Variants in AKAP6 observed in about 807,000 individuals in gnomAD.
AKAP6 encodes the protein A-kinase anchor protein 6.
Under a neutral mutation model 188.5 loss-of-function variants are expected in AKAP6, and 58 were observed. The observed-to-expected ratio is 0.31, with a 90% confidence interval of 0.25 to 0.38. The LOEUF (loss-of-function observed/expected upper bound fraction) is 0.38. AKAP6 is among the 10% of genes least tolerant of loss of function. AKAP6 has a pLI of 1.00. For synonymous variants in AKAP6, 989 were observed against 998.6 expected (o/e 0.99, Z 0.18); for missense variants, 2,710 against 2,740.0 (o/e 0.99, Z 0.24).
chr14:32,557,903 T>C (rs1883761721), intron 4 of AKAP6, among the ~76,000 whole-genome samples: 1 of 152,204 alleles, frequency 6.6e-6, no homozygotes, highest in Non-Finnish European at 1.5e-5. Flanking sequence ...ATCTTCTACT[T>C]TCTTCCTCTA....
At chr14:32,553,625 T>A (rs748989104) in intron 4 of AKAP6, among the ~76,000 whole-genome samples, 20 of 152,196 alleles carry the variant, frequency 1.3e-4, no homozygotes, top group South Asian at 8.3e-4. Context: ...ACTATTGTTT[T>A]TAGTACTTAC....
chr14:32,332,426 T>A (rs929617382), intron 1 of AKAP6, among the ~76,000 whole-genome samples: 4 of 152,104 alleles, frequency 2.6e-5, no homozygotes, highest in African/African-American at 4.8e-5. Flanking sequence ...TGATCAGATG[T>A]GAATATTTAC....
intron 12 of AKAP6, among the ~76,000 whole-genome samples, chr14:32,801,324 T>A (rs971797303): frequency 9.2e-5 from 14 of 152,194 alleles, no homozygotes; most frequent in African/African-American, 3.4e-4. Context: ...TTAGAGGTTA[T>A]CCTAGAGCTT....
intron 2 of AKAP6, among the ~76,000 whole-genome samples, chr14:32,531,215 A>T (rs1455130796): frequency 6.6e-6 from 1 of 152,240 alleles, no homozygotes; most frequent in Non-Finnish European, 1.5e-5. Flanking sequence ...ATCTGTGGAA[A>T]AAAATCTTAT....
chr14:32,745,497 GTCTCTC>G (rs368703359), intron 11 of AKAP6, among the ~76,000 whole-genome samples: 9 of 54,920 alleles, frequency 1.6e-4, no homozygotes, highest in African/African-American at 5.9e-4. Flanking sequence ...CTCTCTCTCT[GTCTCTC>G]TCTCTCTCTC....
chr14:32,546,469 G>T lies in AKAP6; in HGVS notation c.1816G>T (p.Gly606Cys). Residue 606 changes from glycine to cysteine, a missense_variant, in exon 4 of 14, where the codon GGT (glycine) becomes TGT (cysteine). By Grantham distance (159) the Gly-to-Cys change is radical (BLOSUM62 -3). This residue lies in a region of AKAP6 where 2,473 missense variants were observed against 2,426.1 expected (regional missense o/e 1.02). Transcript: ENST00000280979. ...PLLSKHKSKK[G>C]QASSPSHVTR... The stretch of plus-strand genomic sequence containing the variant: ...TCTTTCAAAACACAAAAGCAAAAAA[G>T]GTCAAGCCTCCTCTCCAAGTCACGT... 1 of 1,614,110 alleles carries T rather than the reference G, an allele frequency of 6.2e-7. No individual in the cohort carries two copies. Among genetic ancestry groups the T allele is most frequent in the Non-Finnish European group, 8.5e-7 (1 of 1,180,014 alleles).
chr14:32,340,821 A>C (rs1407295825), intron 1 of AKAP6, among the ~76,000 whole-genome samples: 1 of 152,198 alleles, frequency 6.6e-6, no homozygotes, highest in Admixed American at 6.5e-5. Flanking sequence ...GGTACCTTCT[A>C]GCTGTGTGCT....
chr14:32,708,395 G>A (rs1433447271), intron 9 of AKAP6, among the ~76,000 whole-genome samples: 1 of 142,284 alleles, frequency 7.0e-6, no homozygotes, highest in Non-Finnish European at 1.6e-5. Flanking sequence ...GTGCACATGT[G>A]AGAGAAAGAG....
intron 9 of AKAP6, among the ~76,000 whole-genome samples, chr14:32,707,845 G>A (rs969102951): frequency 2.6e-5 from 4 of 152,022 alleles, no homozygotes; most frequent in Admixed American, 1.3e-4. Flanking sequence ...AAACCAAAGT[G>A]CAGTAAAGAC....
At chr14:32,785,964 G>A (rs192111263) in intron 12 of AKAP6, among the ~76,000 whole-genome samples, 4 of 152,162 alleles carry the variant, frequency 2.6e-5, no homozygotes, top group East Asian at 3.9e-4. Context: ...ACAAAGTGTC[G>A]TATTACATTT....
chr14:32,576,884 A>C (rs377596411), intron 4 of AKAP6, among the ~76,000 whole-genome samples: 3 of 152,108 alleles, frequency 2.0e-5, no homozygotes, highest in African/African-American at 7.2e-5. Context: ...CAGAAAAGTG[A>C]TTCTAGAGAA....
chr14:32,385,405 C>T (rs1236389815), intron 1 of AKAP6, among the ~76,000 whole-genome samples: 3 of 144,600 alleles, frequency 2.1e-5, no homozygotes, highest in Admixed American at 6.9e-5. Flanking sequence ...ATTTTTATTT[C>T]TTTTTTTTTT....
In AKAP6 at chr14:32,608,163, A is replaced by G. The variant is rs561474986; in HGVS notation, c.2730+7371A>G. ...GAAAAAAATGGTTGGGAAAATAAAA[A>G]TATACACTAGGTCAAAGGACAGCTA... On this transcript the variant is annotated intron_variant, in intron 7 of 13. Transcript: ENST00000280979. 5.9e-5 allele frequency among the ~76,000 whole-genome samples: 9 copies of G among 152,268 alleles called. No individual in the cohort carries two copies. In the East Asian group the frequency reaches 1.7e-3, roughly 29 times the overall value.
At chr14:32,499,490 T>A (rs1054384592) in intron 2 of AKAP6, among the ~76,000 whole-genome samples, 1 of 152,000 alleles carries the variant, frequency 6.6e-6, no homozygotes, top group African/African-American at 2.4e-5. Flanking sequence ...CAGTTTTGGA[T>A]GATGTTTGAT....
At chr14:32,779,362 T>G (rs1054754358) in intron 12 of AKAP6, among the ~76,000 whole-genome samples, 5 of 148,404 alleles carry the variant, frequency 3.4e-5, no homozygotes, top group African/African-American at 1.3e-4. Context: ...ATGAACAGTG[T>G]TTGTGCCCCT....
chr14:32,646,288 A>G (rs886453448), intron 7 of AKAP6, among the ~76,000 whole-genome samples: 4 of 152,064 alleles, frequency 2.6e-5, no homozygotes, highest in African/African-American at 9.7e-5. Context: ...CTATAATAGT[A>G]CATAACAGAT....
Position 32,810,071 on chromosome 14 carries a change from T to C in AKAP6, c.3589-11331T>C, listed in dbSNP as rs79378199. Among the ~76,000 whole-genome samples, 1,132 of 152,304 alleles carry C rather than the reference T, an allele frequency of 7.4e-3. 18 individuals are homozygous for C. Among genetic ancestry groups the C allele is most frequent in the African/African-American group, 0.026 (1,081 of 41,554 alleles). On this transcript the variant is annotated intron_variant, in intron 12 of 13. Transcript: ENST00000280979. ...CCTGGAGAAATAAATTCAGCAGGCA[T>C]GGCCCAGGTAATCAACTCCACTAGC...
At chr14:32,764,098 T>A (rs1030842650) in intron 11 of AKAP6, among the ~76,000 whole-genome samples, 1 of 152,220 alleles carries the variant, frequency 6.6e-6, no homozygotes, top group Non-Finnish European at 1.5e-5. Context: ...GTTTCCTACC[T>A]TTTTAATCTC....
At chr14:32,698,093 T>G (rs539147075) in intron 9 of AKAP6, among the ~76,000 whole-genome samples, 33 of 152,228 alleles carry the variant, frequency 2.2e-4, no homozygotes, top group African/African-American at 7.0e-4. Context: ...GTAGGGTCTT[T>G]CTTTATGTGC....
Sources: gnomAD v4.1 joint callset for allele counts (sites outside exome capture counted in the v4.1 genomes callset) on GRCh38, gnomAD v4.1.1 for gene constraint, gnomAD v4.1.1 regional missense constraint, MANE v1.5 for transcripts, NCBI Gene and HGNC (gene_info 2026-07-23, HGNC 2026-07-21) for gene names.